Variants in LRRK1 observed in about 807,000 individuals in gnomAD.
LRRK1 encodes the protein leucine rich repeat kinase 1.
A neutral mutation model predicts 209.1 loss-of-function variants in LRRK1; 113 were observed. The ratio of observed to expected loss-of-function variants is 0.54; its 90% CI spans 0.46 to 0.63. The LOEUF (loss-of-function observed/expected upper bound fraction) is 0.63, where lower values mean the gene tolerates loss of function less well. Among genes scored for constraint, LRRK1 ranks in the 30% least tolerant of loss-of-function variants. LRRK1 has a pLI of 0.00. For synonymous variants in LRRK1, 1,144 were observed against 1,099.7 expected (o/e 1.04, Z -0.80); for missense variants, 2,284 against 2,632.2 (o/e 0.87, Z 2.89).
chr15:100,949,741 T>C (rs1350953865), intron 2 of LRRK1, among the ~76,000 whole-genome samples: 1 of 152,146 alleles, frequency 6.6e-6, no homozygotes. Context: ...TAATCCATAT[T>C]AATAGAATAA....
At chr15:101,011,222 A>G (rs1596269655) in intron 9 of LRRK1, among the ~76,000 whole-genome samples, 1 of 151,968 alleles carries the variant, frequency 6.6e-6, no homozygotes, top group South Asian at 2.1e-4. Context: ...TAATCCCAGC[A>G]CTTTGGGAGG....
Position 101,012,159 on chromosome 15 carries a change from C to T in LRRK1, c.1419+14C>T, listed in dbSNP as rs1385014314. Reference sequence around the variant, plus strand: ...TTCCAGCTTGATGTAAGCCTAATAGCCCTTTCTTTCTCATTTTCGGCTTTT... The same window carrying T: ...TTCCAGCTTGATGTAAGCCTAATAGTCCTTTCTTTCTCATTTTCGGCTTTT... On this transcript the variant is annotated intron_variant, in intron 10 of 33. Coordinates refer to ENST00000388948, the MANE Select transcript of LRRK1 (RefSeq NM_024652.6). 1.3e-6 allele frequency: 2 copies of T among 1,580,698 alleles called. No individual in the cohort carries two copies. The highest frequency in any genetic ancestry group is 1.2e-5 in the South Asian group (1 of 85,046).
At chr15:100,920,121 A>G (rs939450018) in intron 1 of LRRK1, 1 of 152,942 alleles carries the variant, frequency 6.5e-6, no homozygotes, top group African/African-American at 2.4e-5. Flanking sequence ...GGACGCGGGA[A>G]GGAAGCCTAG....
At chr15:100,948,820 G>C (rs1267227421) in intron 2 of LRRK1, among the ~76,000 whole-genome samples, 2 of 152,092 alleles carry the variant, frequency 1.3e-5, no homozygotes, top group Non-Finnish European at 2.9e-5. Context: ...TATACTTTGC[G>C]ATGAATTAAA....
intron 2 of LRRK1, among the ~76,000 whole-genome samples, chr15:100,965,724 T>C (rs1194224204): frequency 6.6e-6 from 1 of 152,200 alleles, no homozygotes; most frequent in East Asian, 1.9e-4. Context: ...CCTGGTGCTA[T>C]TCATTTATCC....
intron 23 of LRRK1, among the ~76,000 whole-genome samples, 188 bp downstream of exon 23, chr15:101,049,971 C>T (rs1376405579): frequency 6.6e-6 from 1 of 151,918 alleles, no homozygotes; most frequent in South Asian, 2.1e-4. Context: ...TGGGGGGAGT[C>T]CCACGGGGAG....
At chr15:100,974,143 A>T (rs369714962) in intron 3 of LRRK1, 176 bp downstream of exon 3, 34 of 472,428 alleles carry the variant, frequency 7.2e-5, no homozygotes, top group African/African-American at 6.6e-4. Flanking sequence ...CTGACTTCTC[A>T]GTCTGATATC....
rs981413029 is a variant in LRRK1 at position 100,948,352 on chromosome 15, G to A, written c.97+23623G>A. ...GATGGGACACCTCCTCATGGGTTTCGTCCCCGCCGTTTGAATGTGACTTAT... is the reference window on the plus strand; with the variant it reads ...GATGGGACACCTCCTCATGGGTTTCATCCCCGCCGTTTGAATGTGACTTAT... On this transcript the variant is annotated intron_variant, in intron 2 of 33. Coordinates refer to ENST00000388948, the MANE Select transcript of LRRK1 (RefSeq NM_024652.6). Among the ~76,000 whole-genome samples, 4 of 152,230 alleles carry A rather than the reference G, an allele frequency of 2.6e-5. No homozygotes were observed. The East Asian group carries it at 5.8e-4, about 22-fold the overall frequency.
chr15:101,049,971 C>G (rs1376405579), intron 23 of LRRK1, among the ~76,000 whole-genome samples, 188 bp downstream of exon 23: 1 of 151,918 alleles, frequency 6.6e-6, no homozygotes, highest in Non-Finnish European at 1.5e-5. Context: ...TGGGGGGAGT[C>G]CCACGGGGAG....
intron 21 of LRRK1, among the ~76,000 whole-genome samples, chr15:101,046,825 G>C (rs1370180270): frequency 6.6e-6 from 1 of 152,258 alleles, no homozygotes; most frequent in African/African-American, 2.4e-5. Context: ...GCTTCTGTGG[G>C]TTTACCTGGG....
In LRRK1 at chr15:101,022,093, A is replaced by G. The variant is rs2141710080; in HGVS notation, c.1852+136A>G. ...CAGGTTCCAGATTTGACAAGATGCT[A>G]TAAAATTGTCCCTAAAGCAATCGTT... is the stretch of plus-strand genomic sequence containing the variant. On this transcript the variant is annotated intron_variant, in intron 14 of 33. Coordinates refer to ENST00000388948, the MANE Select transcript of LRRK1 (RefSeq NM_024652.6). The surrounding 1 kb of genome is among the most constrained non-coding windows in gnomAD (Gnocchi z 4.0). 1.5e-6 allele frequency: 1 copy of G among 669,800 alleles called. No homozygotes were observed. The highest frequency in any genetic ancestry group is 2.5e-6 in the Non-Finnish European group (1 of 394,542). The allele number at this position is 669,800 out of a possible 1,614,324, so 41.5% of individuals were successfully genotyped here.
intron 12 of LRRK1, among the ~76,000 whole-genome samples, chr15:101,015,703 G>A (rs531380908): frequency 6.6e-6 from 1 of 152,332 alleles, no homozygotes; most frequent in Admixed American, 6.5e-5. Context: ...GGTTACATAT[G>A]TGAGAGTTTC....
At chr15:101,015,174 C>G (rs1272806365) in intron 11 of LRRK1, 152 bp from the exon 12 acceptor site, 3 of 589,872 alleles carry the variant, frequency 5.1e-6, no homozygotes, top group Non-Finnish European at 9.1e-6. Context: ...GTGAAAAAGG[C>G]AGCCGCCACT....
At chr15:100,931,880 A>T (rs1328786757) in intron 2 of LRRK1, among the ~76,000 whole-genome samples, 1 of 152,178 alleles carries the variant, frequency 6.6e-6, no homozygotes, top group Non-Finnish European at 1.5e-5. Flanking sequence ...GGAATTCCAC[A>T]ATTCACACAG....
chr15:101,009,507 G>T (rs892619926), intron 7 of LRRK1, among the ~76,000 whole-genome samples: 34 of 152,356 alleles, frequency 2.2e-4, no homozygotes, highest in South Asian at 8.3e-4. Flanking sequence ...TTCTTCTGGA[G>T]GCCTTGGAGG....
intron 6 of LRRK1, among the ~76,000 whole-genome samples, chr15:101,003,428 C>T (rs1022159785): frequency 1.3e-5 from 2 of 152,138 alleles, no homozygotes; most frequent in African/African-American, 4.8e-5. Context: ...CTGTATTATT[C>T]TCTTTTTACA....
intron 23 of LRRK1, 23 bp downstream of exon 23, chr15:101,049,806 A>C: frequency 6.2e-7 from 1 of 1,606,012 alleles, no homozygotes; most frequent in Non-Finnish European, 8.5e-7. Context: ...GCTAGAAGCA[A>C]GCCCTCATTC....
intron 2 of LRRK1, among the ~76,000 whole-genome samples, chr15:100,928,196 A>T (rs1453184403): frequency 6.6e-6 from 1 of 152,236 alleles, no homozygotes; most frequent in Non-Finnish European, 1.5e-5. Flanking sequence ...TGTGTTTAGA[A>T]TCTAAACGGT....
chr15:101,001,420 C>T (rs574324429), intron 6 of LRRK1, among the ~76,000 whole-genome samples: 1 of 152,294 alleles, frequency 6.6e-6, no homozygotes, highest in Non-Finnish European at 1.5e-5. Flanking sequence ...TCTTTGTTTT[C>T]AGGGCTTCTT....
Sources: allele counts gnomAD v4.1 joint callset (sites outside exome capture counted in the v4.1 genomes callset), GRCh38; gene constraint gnomAD v4.1.1; non-coding constraint Gnocchi (gnomAD v3.1); transcripts MANE v1.5; gene names NCBI Gene and HGNC (gene_info 2026-07-23, HGNC 2026-07-21).